Variants in FRMPD4 observed in about 807,000 individuals in gnomAD.
FRMPD4 encodes FERM and PDZ domain containing 4, also known as FERM and PDZ domain-containing protein 4.
A neutral mutation model predicts 94.1 loss-of-function variants in FRMPD4; 22 were observed. The observed-to-expected ratio is 0.23, with a 90% CI of 0.17 to 0.33. The LOEUF is 0.33. Ranked by LOEUF, FRMPD4 falls within the 10% of genes least tolerant of loss-of-function variation. The pLI, the probability that FRMPD4 is intolerant of heterozygous loss-of-function variation, is 1.00. For missense variants in FRMPD4, 1,111 were observed against 1,339.9 expected, an observed-to-expected ratio of 0.83 and a Z score of 2.67; for synonymous variants, 631 against 548.6, an observed-to-expected ratio of 1.15 and a Z score of -2.10.
intron 1 of FRMPD4, among the ~76,000 whole-genome samples, chrX:12,159,143 T>C (rs1435384950): frequency 8.9e-6 from 1 of 112,458 alleles, no homozygotes; most frequent in Non-Finnish European, 1.9e-5. Flanking sequence ...AAATCCCTTA[T>C]GTCCTGCTCT....
At chrX:12,610,902 C>T (rs2059177046) in intron 3 of FRMPD4, among the ~76,000 whole-genome samples, 1 of 111,779 alleles carries the variant, frequency 8.9e-6, no homozygotes, top group Non-Finnish European at 1.9e-5. Flanking sequence ...TAGCTGAAAT[C>T]AGCCAGCCTG....
intron 2 of FRMPD4, among the ~76,000 whole-genome samples, chrX:12,547,599 G>A (rs1358265692): frequency 8.9e-6 from 1 of 112,267 alleles, no homozygotes; most frequent in Non-Finnish European, 1.9e-5. Flanking sequence ...ATGACAAAAT[G>A]TTTATGACAT....
rs753301770 is a variant in FRMPD4 at position 12,562,563 on chromosome X, G to A, written c.159-47158G>A. 1.2e-4 allele frequency among the ~76,000 whole-genome samples: 13 copies of A among 112,539 alleles called. 1 individual carries two copies. The South Asian group carries it at 4.8e-3, about 41-fold the overall frequency. On this transcript the variant is annotated intron_variant, in intron 2 of 16. Coordinates refer to ENST00000675598, the MANE Select transcript of FRMPD4 (RefSeq NM_001368397.1). Reference sequence around the variant, plus strand: ...AAAATGTGCAAAAGAAGTACAAAGTGCTATGATTAATTCTTTCATTGTTTT... The same window carrying A: ...AAAATGTGCAAAAGAAGTACAAAGTACTATGATTAATTCTTTCATTGTTTT...
chrX:12,243,827 G>T (rs2053915896), intron 1 of FRMPD4, among the ~76,000 whole-genome samples: 1 of 46,086 alleles, frequency 2.2e-5, no homozygotes. Flanking sequence ...TTTTTTTTGA[G>T]GCAAAGCCCA....
intron 1 of FRMPD4, among the ~76,000 whole-genome samples, chrX:11,838,265 TAATATA>T (rs1460921010): frequency 1.8e-5 from 2 of 111,075 alleles, no homozygotes; most frequent in Non-Finnish European, 3.8e-5. Flanking sequence ...AAAAAAACTG[TAATATA>T]AATATATACT....
At chrX:12,073,512 G>A (rs1279407196) in intron 3 of FRMPD4, among the ~76,000 whole-genome samples, 1 of 111,315 alleles carries the variant, frequency 9.0e-6, no homozygotes, top group Admixed American at 9.6e-5. Context: ...TACCTCATAA[G>A]CCATACAAAA....
chrX:12,011,013 T>A (rs914895297), intron 3 of FRMPD4, among the ~76,000 whole-genome samples: 4 of 112,501 alleles, frequency 3.6e-5, no homozygotes, highest in Non-Finnish European at 7.5e-5. Flanking sequence ...CTGGAGTGGG[T>A]GTAAGACAGG....
chrX:12,089,095 T>G (rs994550500), intron 3 of FRMPD4, among the ~76,000 whole-genome samples: 3 of 112,412 alleles, frequency 2.7e-5, no homozygotes, highest in African/African-American at 9.7e-5. Context: ...CTCAATATTA[T>G]GTTTGTGAAA....
At chrX:12,262,309 C>G (rs746893374) in intron 1 of FRMPD4, among the ~76,000 whole-genome samples, 5 of 111,603 alleles carry the variant, frequency 4.5e-5, no homozygotes, top group South Asian at 3.7e-4. Context: ...GAGACAGAGT[C>G]TCACTATGTT....
chrX:11,863,816 C>G (rs1305385835), intron 1 of FRMPD4, among the ~76,000 whole-genome samples: 1 of 112,033 alleles, frequency 8.9e-6, no homozygotes, highest in Non-Finnish European at 1.9e-5. Context: ...CCTTTCAATA[C>G]ATTTTATCTG....
chrX:12,211,665 C>G (rs761350629), intron 1 of FRMPD4, among the ~76,000 whole-genome samples: 9 of 111,477 alleles, frequency 8.1e-5, no homozygotes, highest in Non-Finnish European at 1.5e-4. Context: ...AGTTAAACAC[C>G]CTTAAATATT....
In FRMPD4 at chrX:12,478,209, TAGGCC is replaced by T. The variant is rs369675264; in HGVS notation, c.42-20467_42-20463del. Among the ~76,000 whole-genome samples the T allele has an allele frequency of 2.6e-3, 292 of 111,366 alleles. 1 individual carries two copies. The highest frequency in any genetic ancestry group is 9.3e-3 in the Middle Eastern group (2 of 216). On this transcript the variant is annotated intron_variant, in intron 1 of 16. Transcript: ENST00000675598. ...CCCAGGAAGAAGGAGGTCTCTGGAGTAGGCCAGGATGTTGGTTTCCATGTAGAGAG... is the reference window on the plus strand; with the variant it reads ...CCCAGGAAGAAGGAGGTCTCTGGAGTAGGATGTTGGTTTCCATGTAGAGAG...
chrX:12,689,056 C>G (rs1337212956), intron 7 of FRMPD4, among the ~76,000 whole-genome samples: 9 of 111,454 alleles, frequency 8.1e-5, no homozygotes, highest in Admixed American at 7.7e-4. Context: ...GTAGTGTCCC[C>G]AACCCTATTG....
At chrX:12,255,920 T>C (rs923238717) in intron 1 of FRMPD4, among the ~76,000 whole-genome samples, 12 of 112,201 alleles carry the variant, frequency 1.1e-4, no homozygotes, top group African/African-American at 3.9e-4. Context: ...ATGGTAGTAA[T>C]GGTCTGGTCA....
chrX:12,317,377 A>AT (rs758355232), intron 1 of FRMPD4, among the ~76,000 whole-genome samples: 1 of 111,091 alleles, frequency 9.0e-6, no homozygotes, highest in African/African-American at 3.3e-5. Context: ...CTGGGCAAAG[A>AT]TTTTTTGAAT....
At chrX:12,480,942 T>C (rs1335634113) in intron 1 of FRMPD4, among the ~76,000 whole-genome samples, 6 of 112,094 alleles carry the variant, frequency 5.4e-5, no homozygotes, top group Non-Finnish European at 1.1e-4. Flanking sequence ...ATTAGGATTG[T>C]CTTTTTTCTA....
intron 4 of FRMPD4, among the ~76,000 whole-genome samples, chrX:12,647,594 T>A (rs1242616161): frequency 9.0e-6 from 1 of 111,569 alleles, no homozygotes; most frequent in Non-Finnish European, 1.9e-5. Flanking sequence ...CTGCTGTAAC[T>A]CCTAACTAAC....
At chrX:11,854,381 C>T (rs2053642437) in intron 1 of FRMPD4, among the ~76,000 whole-genome samples, 1 of 111,814 alleles carries the variant, frequency 8.9e-6, no homozygotes, top group Admixed American at 9.5e-5. Context: ...CACAGTCATG[C>T]CCTTCCAACA....
chrX:12,023,554 A>C (rs1488626962), intron 3 of FRMPD4, among the ~76,000 whole-genome samples: 1 of 112,112 alleles, frequency 8.9e-6, no homozygotes, highest in East Asian at 2.8e-4. Context: ...ACTAGAATAT[A>C]ACCTTCATGA....
Sources: gnomAD v4.1 joint callset for allele counts (sites outside exome capture counted in the v4.1 genomes callset) on GRCh38, gnomAD v4.1.1 for gene constraint, MANE v1.5 for transcripts, NCBI Gene and HGNC (gene_info 2026-07-23, HGNC 2026-07-21) for gene names.